SLC25A48: variants seen among roughly 807,000 people sequenced by gnomAD.
SLC25A48 encodes CTC-321K16.1.
SLC25A48 carries 29 observed loss-of-function variants against 32.2 expected under a neutral mutation model. The observed-to-expected ratio is 0.90, with a 90% CI of 0.67 to 1.23. The LOEUF (loss-of-function observed/expected upper bound fraction) is 1.23. Ranked by LOEUF, SLC25A48 falls within the 50% of genes most tolerant of loss-of-function variation. SLC25A48 has a pLI of 0.00. For synonymous variants in SLC25A48, 164 were observed against 172.3 expected, an observed-to-expected ratio of 0.95 and a Z score of 0.38; for missense variants, 399 against 422.7, an observed-to-expected ratio of 0.94 and a Z score of 0.49.
chr5:135,657,159 A>G (rs1396001841), intron 3 of SLC25A48, among the ~76,000 whole-genome samples: 1 of 152,134 alleles, frequency 6.6e-6, no homozygotes, highest in Non-Finnish European at 1.5e-5. Context: ...CTTTTCTTCT[A>G]TTGACCAACC....
chr5:135,635,180 G>A (rs59169448), intron 3 of SLC25A48, among the ~76,000 whole-genome samples: 2,157 of 152,274 alleles, frequency 0.014, 55 homozygotes, highest in African/African-American at 0.047. Context: ...GTGTACCAGC[G>A]TGTGGAATCC....
At chr5:135,724,793 T>C (rs1027162216) in intron 3 of SLC25A48, among the ~76,000 whole-genome samples, 3 of 152,228 alleles carry the variant, frequency 2.0e-5, no homozygotes, top group Admixed American at 6.5e-5. Flanking sequence ...AGTTGGCCAA[T>C]AGCTCTGCCC....
At chr5:135,770,979 T>C (rs1222536518) in intron 3 of SLC25A48, among the ~76,000 whole-genome samples, 1 of 151,918 alleles carries the variant, frequency 6.6e-6, no homozygotes, top group Non-Finnish European at 1.5e-5. Context: ...TTGTTCCTAA[T>C]ATCTAGAAGA....
rs1488595661 is a variant in SLC25A48 at position 135,792,513 on chromosome 5, C to T, written c.-520-20010C>T. ...TAATCTTAATGTAACCCTCTGGTTA[C>T]ATGTAATGTAACCATTATGTGTATA... is the stretch of plus-strand genomic sequence containing the variant. On this transcript the variant is annotated intron_variant, in intron 3 of 10. Coordinates refer to the SLC25A48 transcript ENST00000646290. Among the ~76,000 whole-genome samples the T allele has an allele frequency of 1.3e-3, 197 of 149,372 alleles. 1 individual carries two copies. The highest frequency in any genetic ancestry group is 4.8e-3 in the African/African-American group (187 of 39,208).
At chr5:135,697,591 A>G (rs1181909613) in intron 3 of SLC25A48, among the ~76,000 whole-genome samples, 1 of 152,002 alleles carries the variant, frequency 6.6e-6, no homozygotes. Flanking sequence ...CCAACTGCAC[A>G]CTCTCATCCC....
intron 3 of SLC25A48, among the ~76,000 whole-genome samples, chr5:135,742,036 C>G (rs1223401238): frequency 6.6e-6 from 1 of 152,078 alleles, no homozygotes; most frequent in Non-Finnish European, 1.5e-5. Flanking sequence ...CCAAAGAGGC[C>G]AATTCAACTT....
rs115023344 is a variant in SLC25A48, at chr5:135,802,250, A to G, written c.-520-10273A>G. Among the ~76,000 whole-genome samples, 1,436 of 151,826 alleles carry G rather than the reference A, an allele frequency of 9.5e-3. 25 individuals carry two copies. Among genetic ancestry groups the G allele is most frequent in the African/African-American group, 0.033 (1,367 of 41,430 alleles). On this transcript the variant is annotated intron_variant, in intron 3 of 10. Coordinates refer to the SLC25A48 transcript ENST00000646290. ...CCTAGTATCACAATGGGTGTACACC[A>G]TGCATGTATACCCTGTGATATTATC...
intron 3 of SLC25A48, among the ~76,000 whole-genome samples, chr5:135,775,307 G>A (rs948643678): frequency 1.6e-4 from 24 of 151,492 alleles, no homozygotes; most frequent in Admixed American, 1.3e-4. Flanking sequence ...CATACAGGGG[G>A]GAAGAAGATG....
chr5:135,682,770 A>G (rs1407550612), intron 3 of SLC25A48, among the ~76,000 whole-genome samples: 1 of 152,224 alleles, frequency 6.6e-6, no homozygotes, highest in Non-Finnish European at 1.5e-5. Flanking sequence ...TATTCTTTCT[A>G]AAAATGAACA....
intron 3 of SLC25A48, among the ~76,000 whole-genome samples, chr5:135,664,992 A>G (rs1007398784): frequency 3.3e-5 from 5 of 152,222 alleles, no homozygotes; most frequent in Non-Finnish European, 5.9e-5. Flanking sequence ...TCTTTAACCA[A>G]TCTCCATACT....
At chr5:135,681,430 A>G in intron 3 of SLC25A48, among the ~76,000 whole-genome samples, 1 of 152,176 alleles carries the variant, frequency 6.6e-6, no homozygotes, top group South Asian at 2.1e-4. Context: ...TTTATCTTAC[A>G]TGTCTCTCCT....
At chr5:135,817,219 T>C (rs535021765) in intron 4 of SLC25A48, among the ~76,000 whole-genome samples, 1 of 152,230 alleles carries the variant, frequency 6.6e-6, no homozygotes, top group East Asian at 1.9e-4. Flanking sequence ...ATCTAGTAGG[T>C]AGAGGCCAGA....
chr5:135,644,822 G>T (rs1752921208), intron 3 of SLC25A48, among the ~76,000 whole-genome samples: 1 of 152,136 alleles, frequency 6.6e-6, no homozygotes, highest in African/African-American at 2.4e-5. Context: ...TGACAGTGAG[G>T]CTGCCACCTA....
At chr5:135,600,143 T>G (rs1751760584) in intron 1 of SLC25A48, among the ~76,000 whole-genome samples, 1 of 152,210 alleles carries the variant, frequency 6.6e-6, no homozygotes, top group African/African-American at 2.4e-5. Flanking sequence ...GGTGTGGTTT[T>G]TGATTGATTA....
rs575461365 is a variant in SLC25A48, at chr5:135,707,476, CA to C, written c.-521+72521del. Among the ~76,000 whole-genome samples, 17 of 152,288 alleles carry C rather than the reference CA, an allele frequency of 1.1e-4. No homozygotes were observed. In the East Asian group the frequency reaches 3.3e-3, roughly 29 times the overall value. On this transcript the variant is annotated intron_variant, in intron 3 of 10. Coordinates refer to the SLC25A48 transcript ENST00000646290. ...CTACTCCCTCCTGCTTAATGCACTT[CA>C]GCCACTTTGGCTTCCTTGCTGTTCT...
At chr5:135,608,520 G>C (rs1232221528) in intron 1 of SLC25A48, among the ~76,000 whole-genome samples, 1 of 152,234 alleles carries the variant, frequency 6.6e-6, no homozygotes, top group African/African-American at 2.4e-5. Flanking sequence ...GTCCCAGAAA[G>C]CTGGGTCCAT....
At position 135,874,119 on chromosome 5, in the gene SLC25A48, T is replaced by C; in HGVS notation, c.778T>C (p.Cys260Arg). 6.7e-7 allele frequency: 1 copy of C among 1,500,684 alleles called. No individual in the cohort carries two copies. Among genetic ancestry groups the C allele is most frequent in the African/African-American group, 1.4e-5 (1 of 71,086 alleles). The allele number at this position is 1,500,684 out of a possible 1,614,324, so 93.0% of individuals were successfully genotyped here. The change falls in exon 6 of 8, where the codon TGT (cysteine) becomes CGT (arginine). Residue 260 changes from cysteine (C) to arginine (R), a missense_variant. Transcript: ENST00000681962. ...YLNKYKGVLD[C>R]ISQSYQKEGL... is the part of the protein sequence containing the mutation. ...AAACAAATATAAAGGTGTCCTGGACTGTATCTCCCAGAGTTACCAGAAGGA... is the reference window on the plus strand; with the variant it reads ...AAACAAATATAAAGGTGTCCTGGACCGTATCTCCCAGAGTTACCAGAAGGA...
rs564798741 is a variant in SLC25A48 at position 135,680,623 on chromosome 5, G to A, written c.-521+45667G>A. 6.6e-4 allele frequency among the ~76,000 whole-genome samples: 100 copies of A among 152,320 alleles called. 1 individual carries two copies. Among genetic ancestry groups the A allele is most frequent in the Non-Finnish European group, 1.2e-3 (79 of 68,038 alleles). ...AAAGGCACATCTTACATAGTGTCAG[G>A]CAAGAGAGTGTGTGAAGGGGAACTG... On this transcript the variant is annotated intron_variant, in intron 3 of 10. Coordinates refer to the SLC25A48 transcript ENST00000646290.
chr5:135,749,737 G>T (rs1184864694), intron 3 of SLC25A48, among the ~76,000 whole-genome samples: 2 of 152,154 alleles, frequency 1.3e-5, no homozygotes, highest in African/African-American at 2.4e-5. Flanking sequence ...GATTAGAGGC[G>T]CACACCACCA....
Sources: allele counts gnomAD v4.1 joint callset (sites outside exome capture counted in the v4.1 genomes callset), GRCh38; gene constraint gnomAD v4.1.1; transcripts MANE v1.5; gene names NCBI Gene and HGNC (gene_info 2026-07-23, HGNC 2026-07-21).